The following UNK variants were observed in gnomAD, a reference collection of about 807,000 sequenced individuals.
UNK encodes the protein RING finger protein unkempt homolog.
UNK carries 32 observed loss-of-function variants against 97.6 expected under a neutral mutation model. The observed-to-expected ratio is 0.33, with a 90% CI of 0.25 to 0.44. The LOEUF (loss-of-function observed/expected upper bound fraction) is 0.44, where lower values mean the gene tolerates loss of function less well. UNK is among the 20% of genes least tolerant of loss of function. The pLI is 1.00. For synonymous variants in UNK, 441 were observed against 461.2 expected, an observed-to-expected ratio of 0.96 and a Z score of 0.56; for missense variants, 771 against 1,098.4, an observed-to-expected ratio of 0.70 and a Z score of 4.21.
At chr17:75,815,080 T>C in intron 6 of UNK, 89 bp from the exon 7 acceptor site, 1 of 1,213,306 alleles carries the variant, frequency 8.2e-7, no homozygotes, top group Non-Finnish European at 1.2e-6. Context: ...AAGAGATGAC[T>C]AAGCCAGCGC....
At chr17:75,806,621 A>G (rs2061920699) in intron 1 of UNK, among the ~76,000 whole-genome samples, 1 of 151,136 alleles carries the variant, frequency 6.6e-6, no homozygotes, top group Non-Finnish European at 1.5e-5. Flanking sequence ...AAAATAGAAA[A>G]CATTAGCTGG....
chr17:75,815,082 A>C (rs2062005165), intron 6 of UNK, 87 bp from the exon 7 acceptor site: 3 of 1,224,552 alleles, frequency 2.4e-6, no homozygotes, highest in Non-Finnish European at 2.3e-6. Context: ...GAGATGACTA[A>C]GCCAGCGCAC....
At chr17:75,800,878 C>T (rs958751481) in intron 1 of UNK, among the ~76,000 whole-genome samples, 1 of 152,018 alleles carries the variant, frequency 6.6e-6, no homozygotes, top group Non-Finnish European at 1.5e-5. Context: ...CTCATTGCTT[C>T]TCATTGCTGC....
intron 2 of UNK, among the ~76,000 whole-genome samples, chr17:75,810,896 A>G (rs1237721175): frequency 6.6e-6 from 1 of 152,092 alleles, no homozygotes; most frequent in African/African-American, 2.4e-5. Flanking sequence ...TTGGCCTCCC[A>G]AAGTGCTGGA....
In UNK at chr17:75,824,170, T is replaced by A; in HGVS notation, c.2278-92T>A. 3.6e-6 allele frequency: 5 copies of A among 1,402,864 alleles called. No individual in the cohort carries two copies. The South Asian group carries it at 7.4e-5, about 21-fold the overall frequency. 86.9% of individuals were successfully genotyped at this position (1,402,864 alleles called of 1,614,324 possible). A position where few individuals can be genotyped will look rare whatever the true frequency, so the allele number is the denominator to read the frequency against. Reference sequence around the variant, plus strand: ...TGAGCTCGGTACCTCAGTTTTCCCATCCCAAGGGGCTGCAGTGAGGATCAA... The same window carrying A: ...TGAGCTCGGTACCTCAGTTTTCCCAACCCAAGGGGCTGCAGTGAGGATCAA... On this transcript the variant is annotated intron_variant, in intron 15 of 15. Coordinates refer to ENST00000589666, the MANE Select transcript of UNK (RefSeq NM_001080419.3). The surrounding 1 kb of genome is among the most constrained non-coding windows in gnomAD (Gnocchi z 4.9).
rs1334051601 is a variant in UNK, at chr17:75,791,911, T to A, written c.104+6927T>A. The A allele has an allele frequency of 4.1e-6, 4 of 985,300 alleles. No individual in the cohort carries two copies. The Admixed American group carries it at 2.5e-4, about 61-fold the overall frequency. 61.0% of individuals were successfully genotyped at this position (985,300 alleles called of 1,614,324 possible). On this transcript the variant is annotated intron_variant, in intron 1 of 15. Coordinates refer to ENST00000589666, the MANE Select transcript of UNK (RefSeq NM_001080419.3). ...AGAGAAATCCATCTTGGGCACACTC[T>A]ATAAAGGAGCTCCTTCTCTGCAAAT...
intron 1 of UNK, among the ~76,000 whole-genome samples, chr17:75,807,277 C>G (rs9910273): frequency 0.098 from 14,850 of 152,138 alleles, 1,495 homozygotes; most frequent in East Asian, 0.38. Context: ...ATCCCAGCTA[C>G]TCTGGAGACT....
rs572582056 is a variant in UNK, at chr17:75,823,400, C to T, written c.2155C>T (p.Arg719Trp). The T allele has an allele frequency of 3.1e-6, 5 of 1,605,780 alleles. No individual in the cohort carries two copies. Among genetic ancestry groups the T allele is most frequent in the East Asian group, 4.5e-5 (2 of 44,626 alleles). ...QVKKLQEELE[R>W]LHAGPEPQAL... ...GAAGAAGCTCCAGGAGGAGCTGGAGCGGCTACACGCGGGGCCTGAGCCCCA... is the reference window on the plus strand; with the variant it reads ...GAAGAAGCTCCAGGAGGAGCTGGAGTGGCTACACGCGGGGCCTGAGCCCCA... The change falls in exon 15 of 16, where the codon CGG (arginine) becomes TGG (tryptophan). Residue 719 changes from arginine (R) to tryptophan (W), a missense_variant. Arg to Trp is a moderately radical substitution (Grantham distance 101). This residue lies in a region of UNK where 208 missense variants were observed against 257.4 expected (regional missense o/e 0.81). Coordinates refer to ENST00000589666, the MANE Select transcript of UNK (RefSeq NM_001080419.3).
At chr17:75,821,656 A>C (rs1340191106) in intron 13 of UNK, 1 of 456,566 alleles carries the variant, frequency 2.2e-6, no homozygotes, top group African/African-American at 2.0e-5. Context: ...TGGTTGGATT[A>C]GTGGGAAAGG....
At chr17:75,803,463 C>CG in intron 1 of UNK, among the ~76,000 whole-genome samples, 1 of 152,264 alleles carries the variant, frequency 6.6e-6, no homozygotes, top group Middle Eastern at 3.4e-3. Context: ...TAAGAAAACA[C>CG]TAATTCAGTA....
In UNK at chr17:75,825,683, C is replaced by T. The variant is rs1313288301; in HGVS notation, c.*1266C>T. 1.3e-5 allele frequency: 2 copies of T among 152,232 alleles called. No individual in the cohort carries two copies. Among genetic ancestry groups the T allele is most frequent in the African/African-American group, 2.4e-5 (1 of 41,446 alleles). The allele number at this position is 152,232 out of a possible 1,614,324, so 9.4% of individuals were successfully genotyped here. On this transcript the variant is annotated 3_prime_UTR_variant, in exon 16 of 16. Transcript: ENST00000589666. This position sits in a 1 kb window ranked among gnomAD's most constrained non-coding sequence, Gnocchi z 4.4. Reference sequence around the variant, plus strand: ...GGGTCTGGTCCTGGCCCAGGCTCCCCCTTGGGCTCAGCACGAAAGGGCTTT... The same window carrying T: ...GGGTCTGGTCCTGGCCCAGGCTCCCTCTTGGGCTCAGCACGAAAGGGCTTT...
At position 75,815,376 on chromosome 17, in the gene UNK, G is replaced by A. The variant is rs150141854; in HGVS notation, c.961+123G>A. On this transcript the variant is annotated intron_variant, in intron 7 of 15. Transcript: ENST00000589666. ...CCTGCACAGGAGTTCTGGCCTGCCAGCAGCAGGCCTTGTCCCCACTGGAAG... is the reference window on the plus strand; with the variant it reads ...CCTGCACAGGAGTTCTGGCCTGCCAACAGCAGGCCTTGTCCCCACTGGAAG... The A allele has an allele frequency of 7.9e-3, 6,783 of 863,750 alleles. 33 individuals carry two copies. The highest frequency in any genetic ancestry group is 0.01 in the Non-Finnish European group (5,957 of 568,016). 53.5% of individuals were successfully genotyped at this position (863,750 alleles called of 1,614,324 possible).
At chr17:75,793,957 G>A (rs190867187) in intron 1 of UNK, 2 of 985,156 alleles carry the variant, frequency 2.0e-6, no homozygotes, top group Non-Finnish European at 2.4e-6. Flanking sequence ...ATTAATTTTG[G>A]TAAGAACATT....
At chr17:75,800,464 C>T (rs868064715) in intron 1 of UNK, among the ~76,000 whole-genome samples, 95 of 151,360 alleles carry the variant, frequency 6.3e-4, no homozygotes, top group Middle Eastern at 3.4e-3. Flanking sequence ...TTGGGCTGGG[C>T]GCGGTGGCTC....
intron 1 of UNK, among the ~76,000 whole-genome samples, chr17:75,786,185 C>G (rs1008469169): frequency 2.0e-5 from 3 of 152,182 alleles, no homozygotes; most frequent in African/African-American, 7.2e-5. Flanking sequence ...CTGATATGGA[C>G]ATTGCTTTCC....
chr17:75,810,038 C>G (rs2061954359), intron 2 of UNK, 69 bp downstream of exon 2: 5 of 1,571,696 alleles, frequency 3.2e-6, no homozygotes. Context: ...TCAGGGTAGG[C>G]TGGGCAGATT....
At chr17:75,801,150 G>A (rs894597296) in intron 1 of UNK, among the ~76,000 whole-genome samples, 6 of 151,802 alleles carry the variant, frequency 4.0e-5, no homozygotes, top group Admixed American at 2.6e-4. Context: ...TGATCCGCCC[G>A]CCTCGACCTC....
intron 1 of UNK, among the ~76,000 whole-genome samples, chr17:75,809,268 C>T (rs1441583751): frequency 6.6e-6 from 1 of 152,204 alleles, no homozygotes; most frequent in Non-Finnish European, 1.5e-5. Context: ...AGCTTCAGAG[C>T]TGAAAAGCCT....
chr17:75,810,080 C>G, intron 2 of UNK, 111 bp downstream of exon 2: 2 of 1,346,586 alleles, frequency 1.5e-6, no homozygotes, highest in Non-Finnish European at 2.0e-6. Flanking sequence ...TGGTTGCAGC[C>G]CAGCCCATGG....
Sources: gnomAD v4.1 joint callset for allele counts (sites outside exome capture counted in the v4.1 genomes callset) on GRCh38, gnomAD v4.1.1 for gene constraint, gnomAD v4.1.1 regional missense constraint, Gnocchi (gnomAD v3.1) non-coding constraint, MANE v1.5 for transcripts, NCBI Gene and HGNC (gene_info 2026-07-23, HGNC 2026-07-21) for gene names.